The following MYO1E variants were observed in gnomAD, a reference collection of about 807,000 sequenced individuals.
The protein encoded by MYO1E is myosin IE, also known as unconventional myosin-Ie.
A neutral mutation model predicts 151.1 loss-of-function variants in MYO1E; 68 were observed. That is an observed-to-expected ratio of 0.45 (90% confidence interval 0.37 to 0.55). The LOEUF (loss-of-function observed/expected upper bound fraction) is 0.55, where lower values mean the gene tolerates loss of function less well. Among genes scored for constraint, MYO1E ranks in the 20% least tolerant of loss-of-function variants. MYO1E has a pLI of 0.00. For missense variants in MYO1E, 1,363 were observed against 1,389.3 expected (o/e 0.98, Z 0.30); for synonymous variants, 601 against 501.7 (o/e 1.20, Z -2.64).
chr15:59,301,690 G>T (rs1243387411), intron 1 of MYO1E, among the ~76,000 whole-genome samples: 2 of 152,230 alleles, frequency 1.3e-5, no homozygotes, highest in African/African-American at 2.4e-5. Flanking sequence ...CTGGCAGAGA[G>T]AAGAGGCTTA....
intron 1 of MYO1E, among the ~76,000 whole-genome samples, chr15:59,356,120 C>T (rs1162915005): frequency 3.3e-5 from 5 of 152,160 alleles, no homozygotes; most frequent in South Asian, 2.1e-4. Flanking sequence ...AACAGTTGCA[C>T]GGGGAAGGCG....
intron 22 of MYO1E, among the ~76,000 whole-genome samples, chr15:59,170,908 C>T (rs1381076551): frequency 1.3e-5 from 2 of 152,130 alleles, no homozygotes; most frequent in African/African-American, 4.8e-5. Context: ...ACCAGTTTTG[C>T]CTTCTGTGTG....
intron 26 of MYO1E, among the ~76,000 whole-genome samples, chr15:59,151,139 G>A (rs556958178): frequency 1.3e-5 from 2 of 152,032 alleles, no homozygotes; most frequent in South Asian, 2.1e-4. Context: ...AAACTAAGGT[G>A]CTTTCAGCTG....
chr15:59,322,359 G>A (rs1483358818), intron 1 of MYO1E, among the ~76,000 whole-genome samples: 1 of 152,040 alleles, frequency 6.6e-6, no homozygotes, highest in East Asian at 1.9e-4. Context: ...TTCAACATAA[G>A]AAACTGTCAC....
chr15:59,363,410 T>A (rs2080896671), intron 1 of MYO1E, among the ~76,000 whole-genome samples: 1 of 152,204 alleles, frequency 6.6e-6, no homozygotes, highest in Non-Finnish European at 1.5e-5. Flanking sequence ...AAGTCTAAAT[T>A]ATCCCCTCTG....
chr15:59,250,428 G>C (rs1264186037), intron 4 of MYO1E, among the ~76,000 whole-genome samples: 1 of 152,166 alleles, frequency 6.6e-6, no homozygotes, highest in Non-Finnish European at 1.5e-5. Context: ...CCTCATACCG[G>C]TAGGAGGTAG....
At chr15:59,267,099 C>T (rs1367925768) in intron 2 of MYO1E, among the ~76,000 whole-genome samples, 2 of 133,778 alleles carry the variant, frequency 1.5e-5, no homozygotes, top group South Asian at 2.5e-4. Context: ...AATCTCGGCT[C>T]ACTGCAACCT....
intron 1 of MYO1E, among the ~76,000 whole-genome samples, chr15:59,357,339 C>A (rs1393712917): frequency 6.6e-6 from 1 of 151,778 alleles, no homozygotes; most frequent in Non-Finnish European, 1.5e-5. Context: ...TGAAAAGTAA[C>A]TGATCAGAAG....
rs528746076 is a variant in MYO1E, at chr15:59,323,848, C to T, written c.3+48650G>A. Among the ~76,000 whole-genome samples the T allele has an allele frequency of 7.9e-5, 12 of 151,950 alleles. 1 individual carries two copies. The highest frequency in any genetic ancestry group is 2.7e-4 in the African/African-American group (11 of 41,428). ...GAGGGGTCTGGCTGCCCATAAGAGC[C>T]CCTGGGGGGCTGTCACCTTATATTA... On this transcript the variant is annotated intron_variant, in intron 1 of 27. Transcript: ENST00000288235.
chr15:59,268,709 GTGACTTTGGTATT>G (rs2080270718), intron 2 of MYO1E, among the ~76,000 whole-genome samples: 1 of 29,014 alleles, frequency 3.4e-5, no homozygotes. Flanking sequence ...TGGGTTCTGG[GTGACTTTGGTATT>G]TTTTTTTTTT....
rs1048963481 is a variant in MYO1E, at chr15:59,302,705, G to C, written c.4-30256C>G. On this transcript the variant is annotated intron_variant, in intron 1 of 27. Coordinates refer to ENST00000288235, the MANE Select transcript of MYO1E (RefSeq NM_004998.4). ...TCTAACACAGTGCCTGACACACCTT[G>C]GGGCTTGATCAATTTTATTCCATTT... Among the ~76,000 whole-genome samples, 14 of 152,230 alleles carry C rather than the reference G, an allele frequency of 9.2e-5. 1 individual carries two copies. Among genetic ancestry groups the C allele is most frequent in the African/African-American group, 3.1e-4 (13 of 41,540 alleles).
At chr15:59,151,016 C>G (rs1250744241) in intron 26 of MYO1E, among the ~76,000 whole-genome samples, 28 of 10,090 alleles carry the variant, frequency 2.8e-3, no homozygotes, top group Non-Finnish European at 7.1e-3. Flanking sequence ...GAGGGACACA[C>G]ACACACACAC....
At chr15:59,178,195 C>T (rs548446690) in intron 19 of MYO1E, among the ~76,000 whole-genome samples, 198 bp downstream of exon 19, 9 of 152,286 alleles carry the variant, frequency 5.9e-5, no homozygotes, top group South Asian at 2.1e-4. Context: ...GGAAATGAAC[C>T]GGGCAGTGAT....
intron 1 of MYO1E, among the ~76,000 whole-genome samples, chr15:59,353,374 G>GAAAAGAAAAAAAAAGAAAAGAAAAA (rs2080835364): frequency 3.8e-5 from 1 of 26,614 alleles, no homozygotes; most frequent in African/African-American, 6.6e-5. Flanking sequence ...AAAAAAAAAA[G>GAAAAGAAAAAAAAAGAAAAGAAAAA]AAAAGAAAAG....
chr15:59,269,416 G>C (rs758426742), intron 2 of MYO1E, among the ~76,000 whole-genome samples: 1 of 152,264 alleles, frequency 6.6e-6, no homozygotes, highest in Non-Finnish European at 1.5e-5. Flanking sequence ...TCAATTAACT[G>C]CCAGTTTTCA....
rs368056612 is a variant in MYO1E at position 59,323,497 on chromosome 15, A to T, written c.3+49001T>A. The stretch of plus-strand genomic sequence containing the variant: ...GAAACCCCGTCTCTACTAAAAATAC[A>T]CACAAAAAAATAGCCAGGCACGGTG... On this transcript the variant is annotated intron_variant, in intron 1 of 27. Coordinates refer to ENST00000288235, the MANE Select transcript of MYO1E (RefSeq NM_004998.4). Among the ~76,000 whole-genome samples, 5 of 151,554 alleles carry T rather than the reference A, an allele frequency of 3.3e-5. No homozygotes were observed. In the East Asian group the frequency reaches 9.8e-4, roughly 30 times the overall value.
intron 26 of MYO1E, among the ~76,000 whole-genome samples, chr15:59,138,908 C>G (rs1005295454): frequency 3.3e-5 from 5 of 152,118 alleles, no homozygotes; most frequent in Non-Finnish European, 5.9e-5. Context: ...GAATCATATT[C>G]CACGGTCACA....
rs1220630167 is a variant in MYO1E, at chr15:59,372,537, C to T, written c.-37G>A. 2.0e-6 allele frequency: 3 copies of T among 1,535,076 alleles called. No individual in the cohort carries two copies. Among genetic ancestry groups the T allele is most frequent in the South Asian group, 2.4e-5 (2 of 83,578 alleles). ...CCGCGGTCGCGTCTTCGCCGGGTCC[C>T]GCTGCCGGGGAACTGGGGCTGGAAC... is the stretch of plus-strand genomic sequence containing the variant. On this transcript the variant is annotated 5_prime_UTR_variant, in exon 1 of 28. Transcript: ENST00000288235.
In MYO1E at chr15:59,136,920, C is replaced by G. The variant is rs2079376803; in HGVS notation, c.*460G>C. On this transcript the variant is annotated 3_prime_UTR_variant, in exon 28 of 28. Coordinates refer to ENST00000288235, the MANE Select transcript of MYO1E (RefSeq NM_004998.4). ...CCCAGTCTGCAGAGGGCGGGTCCTC[C>G]CTGAAGGAAGGTGGCAGAGAGGAAT... 2 of 362,494 alleles carry G rather than the reference C, an allele frequency of 5.5e-6. No individual in the cohort carries two copies. Among genetic ancestry groups the G allele is most frequent in the South Asian group, 4.0e-5 (2 of 49,436 alleles). 22.5% of individuals were successfully genotyped at this position (362,494 alleles called of 1,614,324 possible). A position where few individuals can be genotyped will look rare whatever the true frequency, so the allele number is the denominator to read the frequency against.
Sources: gnomAD v4.1 joint callset for allele counts (sites outside exome capture counted in the v4.1 genomes callset) on GRCh38, gnomAD v4.1.1 for gene constraint, MANE v1.5 for transcripts, NCBI Gene and HGNC (gene_info 2026-07-23, HGNC 2026-07-21) for gene names.